Variants in CD101 observed in about 807,000 individuals in gnomAD.
CD101 encodes the protein immunoglobulin superfamily member 2.
Under a neutral mutation model 98.2 loss-of-function variants are expected in CD101, and 76 were observed. That is an observed-to-expected ratio of 0.77 (90% CI 0.64 to 0.94). The LOEUF (loss-of-function observed/expected upper bound fraction) is 0.94, where lower values mean the gene tolerates loss of function less well. CD101 is among the 40% of genes least tolerant of loss of function. The pLI is 0.00. For missense variants in CD101, 1,145 were observed against 1,218.8 expected (o/e 0.94, Z 0.90); for synonymous variants, 471 against 472.7 (o/e 1.00, Z 0.05).
intron 5 of CD101, among the ~76,000 whole-genome samples, chr1:117,017,864 G>A (rs939563668): frequency 1.6e-4 from 25 of 152,184 alleles, no homozygotes; most frequent in African/African-American, 5.6e-4. Flanking sequence ...GACGACTAGG[G>A]TGGGGAGTGC....
intron 8 of CD101, among the ~76,000 whole-genome samples, chr1:117,029,238 AAAGAAAG>A (rs1557779216): frequency 7.2e-6 from 1 of 139,572 alleles, no homozygotes; most frequent in African/African-American, 3.1e-5. Flanking sequence ...AGAAAGAAAG[AAAGAAAG>A]AAAGAAAGAA....
At position 117,030,379 on chromosome 1, in the gene CD101, A is replaced by AAAACAAACAAACAAAC. The variant is rs3835638; in HGVS notation, c.2825-3469_2825-3454dup. On this transcript the variant is annotated intron_variant, in intron 8 of 9. Transcript: ENST00000682167. ...CTGGATGACAGAGCAAGACACTGTCAAAACAAACAAACAAACAAACAAACA... is the reference window on the plus strand; with the variant it reads ...CTGGATGACAGAGCAAGACACTGTCAAAACAAACAAACAAACAAACAAACAAACAAACAAACAAACA... Among the ~76,000 whole-genome samples the AAAACAAACAAACAAAC allele has an allele frequency of 7.8e-4, 117 of 150,350 alleles. 1 individual carries two copies. Among genetic ancestry groups the AAAACAAACAAACAAAC allele is most frequent in the African/African-American group, 1.7e-3 (70 of 40,610 alleles).
In CD101 at chr1:117,025,489, A is replaced by G. The variant is rs1413313936; in HGVS notation, c.2429-20A>G. ...TCTGAAAGTCTGCATTCTCTAATTT[A>G]CTGCCATTTTATTTTCTAGGAAGTA... On this transcript the variant is annotated intron_variant, in intron 7 of 9. Transcript: ENST00000682167. 17 of 1,509,728 alleles carry G rather than the reference A, an allele frequency of 1.1e-5. No homozygotes were observed. The highest frequency in any genetic ancestry group is 1.5e-5 in the Non-Finnish European group (17 of 1,134,276). 93.5% of individuals were successfully genotyped at this position (1,509,728 alleles called of 1,614,324 possible).
chr1:117,021,493 T>A lies in CD101; in HGVS notation c.2018-80T>A. On this transcript the variant is annotated intron_variant, in intron 6 of 9. Transcript: ENST00000682167. This position sits in a 1 kb window ranked among gnomAD's most constrained non-coding sequence, Gnocchi z 4.7. ...CATATGATGGCGGGAGGATGCAGTG[T>A]CATACTTGACCTCTAATGTCTCTAC... 8.2e-7 allele frequency: 1 copy of A among 1,217,214 alleles called. No individual in the cohort carries two copies. Among genetic ancestry groups the A allele is most frequent in the Non-Finnish European group, 1.1e-6 (1 of 890,692 alleles). The allele number at this position is 1,217,214 out of a possible 1,614,324, so 75.4% of individuals were successfully genotyped here.
chr1:117,018,458 C>T lies in CD101; in HGVS notation c.1915C>T (p.Gln639Ter), dbSNP rs1653380579. The T allele has an allele frequency of 1.2e-6, 2 of 1,614,054 alleles. No individual in the cohort carries two copies. Among genetic ancestry groups the T allele is most frequent in the South Asian group, 1.1e-5 (1 of 91,084 alleles). Residue 639 changes from glutamine (Q) to a stop codon, truncating the protein, a stop_gained, in exon 6 of 10, where the codon CAG becomes TAG. Transcript: ENST00000682167. LOFTEE classifies it high-confidence loss of function. This position sits in a 1 kb window ranked among gnomAD's most constrained non-coding sequence, Gnocchi z 4.3. ...DATEEETGVYQCEVEVYDRNS... is the reference protein window; with the variant it reads ...DATEEETGVY ...CACTGAGGAAGAGACAGGAGTGTAT[C>T]AGTGTGAAGTAGAAGTTTATGACAG...
At position 117,029,207 on chromosome 1, in the gene CD101, A is replaced by G. The variant is rs372951438; in HGVS notation, c.2824+3303A>G. Among the ~76,000 whole-genome samples, 39 of 81,430 alleles carry G rather than the reference A, an allele frequency of 4.8e-4. 3 individuals are homozygous for G. In the East Asian group the frequency reaches 0.012, roughly 24 times the overall value. 53.4% of individuals were successfully genotyped at this position (81,430 alleles called of 152,430 possible). On this transcript the variant is annotated intron_variant, in intron 8 of 9. Coordinates refer to ENST00000682167, the MANE Select transcript of CD101 (RefSeq NM_001256106.3). ...AGAAAGAAAGAAAGAAAGAAAGAAAAGAAAGAAAAGAAAGAAAGAAAGAAA... is the reference window on the plus strand; with the variant it reads ...AGAAAGAAAGAAAGAAAGAAAGAAAGGAAAGAAAAGAAAGAAAGAAAGAAA...
intron 1 of CD101, among the ~76,000 whole-genome samples, chr1:117,009,471 G>A (rs1374970991): frequency 6.6e-6 from 1 of 152,220 alleles, no homozygotes; most frequent in Non-Finnish European, 1.5e-5. Context: ...AGGCACCCTG[G>A]AATTTGAGAC....
intron 8 of CD101, among the ~76,000 whole-genome samples, chr1:117,028,102 T>TAAATAAATAAATAAATA (rs1553188135): frequency 6.9e-6 from 1 of 145,446 alleles, no homozygotes; most frequent in Admixed American, 6.8e-5. Flanking sequence ...AATAAATAAA[T>TAAATAAATAAATAAATA]AAATAAAATA....
rs536219002 is a variant in CD101, at chr1:117,008,406, A to G, written c.44-1444A>G. Among the ~76,000 whole-genome samples, 45 of 152,260 alleles carry G rather than the reference A, an allele frequency of 3.0e-4. 2 individuals are homozygous for G. The South Asian group carries it at 8.9e-3, about 30-fold the overall frequency. ...CTTGAACCTGGGAGGCAGAGGTTGC[A>G]GTGAGCCAAGATTGCACCACAACAC... is the stretch of plus-strand genomic sequence containing the variant. On this transcript the variant is annotated intron_variant, in intron 1 of 9. Transcript: ENST00000682167.
In CD101 at chr1:117,005,180, C is replaced by G. The variant is rs1449027717; in HGVS notation, c.43+3320C>G. Among the ~76,000 whole-genome samples, 1 of 152,096 alleles carries G rather than the reference C, an allele frequency of 6.6e-6. No individual in the cohort carries two copies. The highest frequency in any genetic ancestry group is 2.1e-4 in the South Asian group (1 of 4,828). ...AGACACAGACGTTGAGACTATAACA[C>G]AGCACCCTCCCTGTCATCCCTCTAC... On this transcript the variant is annotated intron_variant, in intron 1 of 9. Transcript: ENST00000682167. This position sits in a 1 kb window ranked among gnomAD's most constrained non-coding sequence, Gnocchi z 4.4.
rs976213623 is a variant in CD101, at chr1:117,005,165, G to A, written c.43+3305G>A. 6.6e-6 allele frequency among the ~76,000 whole-genome samples: 1 copy of A among 152,104 alleles called. No individual in the cohort carries two copies. The highest frequency in any genetic ancestry group is 1.5e-5 in the Non-Finnish European group (1 of 68,014). On this transcript the variant is annotated intron_variant, in intron 1 of 9. Transcript: ENST00000682167. The surrounding 1 kb of genome is among the most constrained non-coding windows in gnomAD (Gnocchi z 4.4). The stretch of plus-strand genomic sequence containing the variant: ...GTGTGAGTTTTAGGAAGACACAGAC[G>A]TTGAGACTATAACACAGCACCCTCC...
chr1:117,011,893 G>A lies in CD101; in HGVS notation c.768G>A (p.Gln256=). 6.2e-7 allele frequency: 1 copy of A among 1,614,130 alleles called. No homozygotes were observed. Among genetic ancestry groups the A allele is most frequent in the Non-Finnish European group, 8.5e-7 (1 of 1,180,020 alleles). ...QLFCEATEWI[Q]DPDETWMFIT... The stretch of plus-strand genomic sequence containing the variant: ...TCTGTGAGGCAACGGAATGGATTCA[G>A]GATCCAGATGAAACTTGGATGTTCA... Residue 256 remains glutamine (Q), a synonymous_variant, in exon 3 of 10, where the codon CAG becomes CAA. Transcript: ENST00000682167.
rs534506896 is a variant in CD101 at position 117,012,887 on chromosome 1, A to G, written c.842-519A>G. Among the ~76,000 whole-genome samples the G allele has an allele frequency of 2.1e-4, 32 of 152,260 alleles. No individual in the cohort carries two copies. The highest frequency in any genetic ancestry group is 7.5e-4 in the African/African-American group (31 of 41,550). ...GATCATTAAAGTTTTTTCTTTATTA[A>G]AAACAGTATTATTGTGTTCCACTAA... On this transcript the variant is annotated intron_variant, in intron 3 of 9. Coordinates refer to ENST00000682167, the MANE Select transcript of CD101 (RefSeq NM_001256106.3). The surrounding 1 kb of genome is among the most constrained non-coding windows in gnomAD (Gnocchi z 4.0).
chr1:117,009,730 T>A (rs910510636), intron 1 of CD101, 120 bp from the exon 2 acceptor site: 1 of 1,031,804 alleles, frequency 9.7e-7, no homozygotes, highest in African/African-American at 1.6e-5. Flanking sequence ...GAGTCAATTA[T>A]AGCTAATAAC....
At position 117,023,258 on chromosome 1, in the gene CD101, G is replaced by A. The variant is rs979198016; in HGVS notation, c.2428+1275G>A. Among the ~76,000 whole-genome samples, 15 of 152,300 alleles carry A rather than the reference G, an allele frequency of 9.8e-5. No individual in the cohort carries two copies. The highest frequency in any genetic ancestry group is 3.6e-4 in the African/African-American group (15 of 41,576). ...ATCCACACCAAACTCTTGACCACAT[G>A]TGCATGGCCGTCTTCAGGAGGCAGC... is the stretch of plus-strand genomic sequence containing the variant. On this transcript the variant is annotated intron_variant, in intron 7 of 9. Transcript: ENST00000682167. This position sits in a 1 kb window ranked among gnomAD's most constrained non-coding sequence, Gnocchi z 4.4.
chr1:117,025,837 C>A lies in CD101; in HGVS notation c.2757C>A (p.His919Gln), dbSNP rs757049910. The A allele has an allele frequency of 1.9e-6, 3 of 1,614,084 alleles. No individual in the cohort carries two copies. The highest frequency in any genetic ancestry group is 1.1e-5 in the South Asian group (1 of 91,062). ...TGGCAGAGTGGCAGCTCCATGGACA[C>A]CCAAGCAAGTGGATTAATCAAGCAT... ...CRVAEWQLHG[H>Q]PSKWINQASD... The change falls in exon 8 of 10, where the codon CAC becomes CAA. Residue 919 changes from histidine to glutamine, a missense_variant. Coordinates refer to ENST00000682167, the MANE Select transcript of CD101 (RefSeq NM_001256106.3).
At chr1:117,014,836 T>C (rs573802991) in intron 4 of CD101, among the ~76,000 whole-genome samples, 1 of 152,370 alleles carries the variant, frequency 6.6e-6, no homozygotes, top group South Asian at 2.1e-4. Context: ...GATTTGGCCT[T>C]GAGTGGCAGG....
At position 117,010,954 on chromosome 1, in the gene CD101, C is replaced by T. The variant is rs886468492; in HGVS notation, c.425-596C>T. On this transcript the variant is annotated intron_variant, in intron 2 of 9. Coordinates refer to ENST00000682167, the MANE Select transcript of CD101 (RefSeq NM_001256106.3). This position sits in a 1 kb window ranked among gnomAD's most constrained non-coding sequence, Gnocchi z 5.2. ...CTCAGTGGCTAGCACCGAGTAGACG[C>T]TCAGTCACATTCATTGATTAAATCT... Among the ~76,000 whole-genome samples the T allele has an allele frequency of 1.3e-5, 2 of 152,186 alleles. No homozygotes were observed. The highest frequency in any genetic ancestry group is 4.8e-5 in the African/African-American group (2 of 41,460).
chr1:117,012,072 T>C lies in CD101; in HGVS notation c.841+106T>C. On this transcript the variant is annotated intron_variant, in intron 3 of 9. Transcript: ENST00000682167. The surrounding 1 kb of genome is among the most constrained non-coding windows in gnomAD (Gnocchi z 4.0). The stretch of plus-strand genomic sequence containing the variant: ...TAATCTTTTGTTGGCTCTAAAAAAT[T>C]GGCTAGAAAGTTTGATTTAATTTTG... 9.2e-7 allele frequency: 1 copy of C among 1,083,208 alleles called. No individual in the cohort carries two copies. The highest frequency in any genetic ancestry group is 1.3e-6 in the Non-Finnish European group (1 of 760,806). The allele number at this position is 1,083,208 out of a possible 1,614,324, so 67.1% of individuals were successfully genotyped here.
Sources: allele counts gnomAD v4.1 joint callset (sites outside exome capture counted in the v4.1 genomes callset), GRCh38; gene constraint gnomAD v4.1.1; non-coding constraint Gnocchi (gnomAD v3.1); transcripts MANE v1.5; gene names NCBI Gene and HGNC (gene_info 2026-07-23, HGNC 2026-07-21).